ADGRE1: variants seen among roughly 807,000 people sequenced by gnomAD.
ADGRE1 encodes the protein adhesion G protein-coupled receptor E1, also known as EGF-like module receptor 1.
ADGRE1 carries 82 observed loss-of-function variants against 102.7 expected under a neutral mutation model. The observed-to-expected ratio is 0.80, with a 90% CI of 0.67 to 0.96. The LOEUF is 0.96. Ranked by LOEUF, ADGRE1 falls within the 40% of genes least tolerant of loss-of-function variation. The pLI is 0.00. For synonymous variants in ADGRE1, 398 were observed against 399.6 expected (o/e 1.00, Z 0.05); for missense variants, 1,032 against 1,085.3 (o/e 0.95, Z 0.69).
chr19:6,937,807 A>T (rs981866373), intron 20 of ADGRE1, among the ~76,000 whole-genome samples, 159 bp downstream of exon 20: 3 of 152,094 alleles, frequency 2.0e-5, no homozygotes, highest in Admixed American at 2.0e-4. Context: ...GGGGATTTAT[A>T]TGTATATATT....
rs1467335426 is a variant in ADGRE1 at position 6,924,786 on chromosome 19, A to G, written c.1900A>G (p.Asn634Asp). 6.2e-7 allele frequency: 1 copy of G among 1,614,036 alleles called. No homozygotes were observed. The highest frequency in any genetic ancestry group is 1.3e-5 in the African/African-American group (1 of 74,982). ...FLLCRSIRNH[N>D]TYLHLHLCVC... ...GCTGTGTCGCTCCATCCGAAATCACAACACCTACCTCCACCTGCACCTCTG... is the reference window on the plus strand; with the variant it reads ...GCTGTGTCGCTCCATCCGAAATCACGACACCTACCTCCACCTGCACCTCTG... Residue 634 changes from asparagine to aspartate, a missense_variant, in exon 15 of 21, where the codon AAC becomes GAC. By Grantham distance (23) the Asn-to-Asp change is conservative. Coordinates refer to ENST00000312053, the MANE Select transcript of ADGRE1 (RefSeq NM_001974.5).
chr19:6,925,570 T>C (rs117825319), intron 15 of ADGRE1, among the ~76,000 whole-genome samples: 4,459 of 152,326 alleles, frequency 0.029, 88 homozygotes, highest in Non-Finnish European at 0.045. Context: ...GGGATACTGC[T>C]AAGTATCTTG....
intron 17 of ADGRE1, among the ~76,000 whole-genome samples, chr19:6,933,784 G>A (rs1237894537): frequency 6.6e-6 from 1 of 152,106 alleles, no homozygotes; most frequent in Non-Finnish European, 1.5e-5. Context: ...CCGTGCACAA[G>A]GCAGCCCCCT....
At chr19:6,903,678 G>A in intron 6 of ADGRE1, 132 bp from the exon 7 acceptor site, 2 of 1,166,418 alleles carry the variant, frequency 1.7e-6, no homozygotes, top group Non-Finnish European at 2.4e-6. Context: ...AGATGCAGAG[G>A]GTTCTAGGAA....
intron 16 of ADGRE1, 45 bp downstream of exon 16, chr19:6,926,646 T>A (rs759813450): frequency 1.9e-6 from 3 of 1,589,962 alleles, no homozygotes; most frequent in Non-Finnish European, 2.6e-6. Context: ...CTGCCAGGGC[T>A]TATGGTGATA....
At chr19:6,896,367 T>C (rs748228729) in intron 2 of ADGRE1, 31 bp from the exon 3 acceptor site, 1 of 1,608,692 alleles carries the variant, frequency 6.2e-7, no homozygotes, top group South Asian at 1.1e-5. Flanking sequence ...TGCTCTAATC[T>C]TGTCTAAACT....
chr19:6,912,624 G>T (rs1239714887), intron 10 of ADGRE1, among the ~76,000 whole-genome samples: 6 of 152,230 alleles, frequency 3.9e-5, no homozygotes, highest in African/African-American at 1.2e-4. Context: ...TTGCTTTAGT[G>T]AACAGTGGCT....
chr19:6,915,041 T>C (rs11669085), intron 11 of ADGRE1, among the ~76,000 whole-genome samples: 34,151 of 151,752 alleles, frequency 0.23, 3,917 homozygotes, highest in Middle Eastern at 0.26. Flanking sequence ...GTTCTCACTC[T>C]GTCACCTAGG....
At chr19:6,913,580 T>G in intron 10 of ADGRE1, 73 bp from the exon 11 acceptor site, 1 of 1,402,654 alleles carries the variant, frequency 7.1e-7, no homozygotes, top group Non-Finnish European at 9.5e-7. Flanking sequence ...CTATTCTTAA[T>G]CAGAAAAGGG....
chr19:6,916,753 AT>A (rs1433893285), intron 12 of ADGRE1, among the ~76,000 whole-genome samples: 4 of 151,260 alleles, frequency 2.6e-5, no homozygotes, highest in African/African-American at 4.8e-5. Flanking sequence ...AAAATAAAAA[AT>A]ATTTAAATTT....
intron 17 of ADGRE1, among the ~76,000 whole-genome samples, chr19:6,932,515 T>C (rs1223321810): frequency 6.6e-6 from 1 of 152,222 alleles, no homozygotes; most frequent in East Asian, 1.9e-4. Flanking sequence ...AAAGGCTATC[T>C]GTTGGGGTTC....
Position 6,916,491 on chromosome 19 carries a change from C to T in ADGRE1, c.1420+123C>T, listed in dbSNP as rs573430629. On this transcript the variant is annotated intron_variant, in intron 12 of 20. Coordinates refer to ENST00000312053, the MANE Select transcript of ADGRE1 (RefSeq NM_001974.5). ...AGAACCAATGAGGGTAGAAATGGTCCATGCTCTCAGAGAGTTTTCCATGTG... is the reference window on the plus strand; with the variant it reads ...AGAACCAATGAGGGTAGAAATGGTCTATGCTCTCAGAGAGTTTTCCATGTG... 3 of 1,289,966 alleles carry T rather than the reference C, an allele frequency of 2.3e-6. No individual in the cohort carries two copies. The East Asian group carries it at 7.3e-5, about 32-fold the overall frequency. 79.9% of individuals were successfully genotyped at this position (1,289,966 alleles called of 1,614,324 possible).
chr19:6,919,119 G>A (rs426097), intron 12 of ADGRE1, among the ~76,000 whole-genome samples: 110,426 of 151,394 alleles, frequency 0.73, 40,827 homozygotes, highest in Non-Finnish European at 0.78. Context: ...TGCAATCTCC[G>A]CCTCCCGGGT....
At chr19:6,928,836 A>G (rs1430639202) in intron 17 of ADGRE1, among the ~76,000 whole-genome samples, 1 of 151,842 alleles carries the variant, frequency 6.6e-6, no homozygotes, top group Non-Finnish European at 1.5e-5. Flanking sequence ...CAGGAGGCTG[A>G]GGCAGGAGAG....
At chr19:6,906,368 C>T (rs770219433) in intron 8 of ADGRE1, 65 bp from the exon 9 acceptor site, 1 of 1,438,954 alleles carries the variant, frequency 6.9e-7, no homozygotes, top group Non-Finnish European at 9.7e-7. Context: ...TGAAATCAGA[C>T]TTGAATTTTC....
At chr19:6,889,921 T>C (rs1973296930) in intron 1 of ADGRE1, among the ~76,000 whole-genome samples, 1 of 151,812 alleles carries the variant, frequency 6.6e-6, no homozygotes, top group African/African-American at 2.4e-5. Flanking sequence ...TTTTTGAAAA[T>C]CAGCTAGAAC....
intron 9 of ADGRE1, among the ~76,000 whole-genome samples, chr19:6,908,186 C>T (rs1044366028): frequency 6.6e-6 from 1 of 152,262 alleles, no homozygotes; most frequent in Non-Finnish European, 1.5e-5. Context: ...CTGCAGATAA[C>T]TAGCCAGACC....
chr19:6,903,307 T>C (rs547527668), intron 6 of ADGRE1, among the ~76,000 whole-genome samples: 27 of 152,358 alleles, frequency 1.8e-4, no homozygotes, highest in African/African-American at 6.0e-4. Context: ...GCTTCCACTC[T>C]GTCCTTGTTT....
Position 6,908,760 on chromosome 19 carries a change from A to G in ADGRE1, c.1110A>G (p.Val370=), listed in dbSNP as rs1974066082. 1 of 1,609,648 alleles carries G rather than the reference A, an allele frequency of 6.2e-7. No homozygotes were observed. Among genetic ancestry groups the G allele is most frequent in the Non-Finnish European group, 8.5e-7 (1 of 1,178,996 alleles). The change falls in exon 10 of 21, where the codon GTA becomes GTG. Residue 370 remains valine, a synonymous_variant. Transcript: ENST00000312053. ...AAGTGTGTGAAAATAAAACGACCGT[A>G]GTTTCTCTGAAGGTAACGATTGGGT... ...LDKVCENKTT[V]VSLKNTTESF...
Sources: gnomAD v4.1 joint callset for allele counts (sites outside exome capture counted in the v4.1 genomes callset) on GRCh38, gnomAD v4.1.1 for gene constraint, MANE v1.5 for transcripts, NCBI Gene and HGNC (gene_info 2026-07-23, HGNC 2026-07-21) for gene names.